DNAH10: variants seen among roughly 807,000 people sequenced by gnomAD.
DNAH10 encodes axonemal beta dynein heavy chain 10.
A neutral mutation model predicts 506.6 loss-of-function variants in DNAH10; 348 were observed. The observed-to-expected ratio is 0.69, with a 90% CI of 0.63 to 0.75. DNAH10 has a LOEUF of 0.75. DNAH10 is among the 30% of genes least tolerant of loss of function. The pLI, the probability that DNAH10 is intolerant of heterozygous loss-of-function variation, is 0.00. For synonymous variants in DNAH10, 2,059 were observed against 2,198.6 expected, an observed-to-expected ratio of 0.94 and a Z score of 1.78; for missense variants, 5,179 against 5,787.1, an observed-to-expected ratio of 0.89 and a Z score of 3.41.
At chr12:123,864,143 C>CTTTTT (rs770676668) in intron 39 of DNAH10, among the ~76,000 whole-genome samples, 10 of 117,126 alleles carry the variant, frequency 8.5e-5, no homozygotes, top group Non-Finnish European at 1.0e-4. Flanking sequence ...ACTTTTTTTT[C>CTTTTT]TTTTTTTTTT....
At chr12:123,848,182 A>T in intron 33 of DNAH10, 87 bp downstream of exon 33, 2 of 1,522,428 alleles carry the variant, frequency 1.3e-6, no homozygotes, top group South Asian at 2.5e-5. Context: ...AGTCTTTGAC[A>T]TGGCGACAGT....
intron 24 of DNAH10, among the ~76,000 whole-genome samples, chr12:123,824,199 G>A (rs560352111): frequency 6.6e-6 from 1 of 152,204 alleles, no homozygotes; most frequent in South Asian, 2.1e-4. Context: ...AGGTGTGGAT[G>A]TGGGATGTAA....
chr12:123,866,229 CTTTTTTTTTTT>C (rs71088963), intron 41 of DNAH10, among the ~76,000 whole-genome samples, 156 bp downstream of exon 41: 1,096 of 58,152 alleles, frequency 0.019, 11 homozygotes, highest in Admixed American at 0.034. Context: ...GGCAGACACA[CTTTTTTTTTTT>C]TTTTTTTTTT....
chr12:123,797,909 T>A (rs1037976861), intron 13 of DNAH10, among the ~76,000 whole-genome samples: 1 of 152,236 alleles, frequency 6.6e-6, no homozygotes, highest in Non-Finnish European at 1.5e-5. Context: ...ATTTTAGGGG[T>A]TTGGACAATT....
chr12:123,861,302 G>A (rs985900666), intron 39 of DNAH10, 132 bp downstream of exon 39: 1 of 1,217,874 alleles, frequency 8.2e-7, no homozygotes, highest in Admixed American at 2.8e-5. Context: ...CAGTCTTGGA[G>A]GCTGTGCTTC....
chr12:123,857,726 CA>C (rs1951452981), intron 37 of DNAH10, among the ~76,000 whole-genome samples: 1 of 152,058 alleles, frequency 6.6e-6, no homozygotes, highest in East Asian at 1.9e-4. Context: ...GACTCCGTCT[CA>C]AAAAATAAAA....
At chr12:123,910,800 TC>T (rs1954031077) in intron 59 of DNAH10, 128 bp downstream of exon 59, 6 of 1,236,516 alleles carry the variant, frequency 4.9e-6, no homozygotes, top group Admixed American at 2.8e-5. Flanking sequence ...AAACTTTCCC[TC>T]CACCACCCAA....
intron 1 of DNAH10, among the ~76,000 whole-genome samples, chr12:123,766,239 C>T (rs79442757): frequency 5.3e-5 from 8 of 152,046 alleles, no homozygotes; most frequent in African/African-American, 1.9e-4. Context: ...GTCTGTCTAT[C>T]TCTGTCTGTC....
rs771140448 is a variant in DNAH10, at chr12:123,913,057, C to T, written c.10135-41C>T. 19 of 1,560,294 alleles carry T rather than the reference C, an allele frequency of 1.2e-5. No homozygotes were observed. The highest frequency in any genetic ancestry group is 1.7e-4 in the Middle Eastern group (1 of 5,996). ...AGGCCATGGGATCGCGGCCCCACCACGGTCCTTTTCCCCATCTTTTTGCAA... is the reference window on the plus strand; with the variant it reads ...AGGCCATGGGATCGCGGCCCCACCATGGTCCTTTTCCCCATCTTTTTGCAA... On this transcript the variant is annotated intron_variant, in intron 59 of 78. Transcript: ENST00000673944. This position sits in a 1 kb window ranked among gnomAD's most constrained non-coding sequence, Gnocchi z 5.1.
At chr12:123,801,826 C>G (rs1245525736) in intron 16 of DNAH10, among the ~76,000 whole-genome samples, 1 of 152,068 alleles carries the variant, frequency 6.6e-6, no homozygotes, top group African/African-American at 2.4e-5. Context: ...AGATCACAAC[C>G]AAGATATTGA....
intron 10 of DNAH10, among the ~76,000 whole-genome samples, chr12:123,788,503 G>A (rs1487957634): frequency 6.6e-6 from 1 of 152,112 alleles, no homozygotes; most frequent in African/African-American, 2.4e-5. Flanking sequence ...GGTGTGCCGG[G>A]TACTCAGATG....
intron 10 of DNAH10, among the ~76,000 whole-genome samples, chr12:123,788,238 GC>G (rs1237206906): frequency 6.6e-6 from 1 of 152,078 alleles, no homozygotes; most frequent in Non-Finnish European, 1.5e-5. Context: ...CTGCTTTTTG[GC>G]TTTCCTTTGA....
At chr12:123,844,679 C>T (rs1950886562) in intron 30 of DNAH10, among the ~76,000 whole-genome samples, 2 of 152,310 alleles carry the variant, frequency 1.3e-5, no homozygotes, top group African/African-American at 2.4e-5. Flanking sequence ...TGCTCTGTTG[C>T]CCTGGCCGGA....
At position 123,868,061 on chromosome 12, in the gene DNAH10, T is replaced by A. The variant is rs1285923058; in HGVS notation, c.7461T>A (p.Leu2487=). The change falls in exon 43 of 79, where the codon CTT becomes CTA. Residue 2487 remains leucine, a synonymous_variant. Coordinates refer to ENST00000673944, the MANE Select transcript of DNAH10 (RefSeq NM_001372106.1). ...AATTTGACGAATATATCAAACGCCT[T>A]GCTTCTTTGTCTACTGTTGACACAG... ...RMKFDEYIKR[L]ASLSTVDTEG... is the part of the protein sequence containing the mutation. 6.2e-7 allele frequency: 1 copy of A among 1,613,856 alleles called. No homozygotes were observed. The highest frequency in any genetic ancestry group is 2.2e-5 in the East Asian group (1 of 44,896).
Position 123,772,835 on chromosome 12 carries a change from G to A in DNAH10, c.398G>A (p.Arg133Lys). 6.3e-7 allele frequency: 1 copy of A among 1,597,854 alleles called. No homozygotes were observed. The highest frequency in any genetic ancestry group is 8.5e-7 in the Non-Finnish European group (1 of 1,173,172). ...KEISEKLPSKRTAKHIMEKMH... is the reference protein window; with the variant it reads ...KEISEKLPSKKTAKHIMEKMH... ...TGGTTTTTGTTCCCCATGTTTCAGA[G>A]AACTGCGAAGCACATCATGGAAAAG... The change falls in exon 4 of 79, where the codon AGA (arginine) becomes AAA (lysine). Residue 133 changes from arginine to lysine, a missense_variant and splice_region_variant. By Grantham distance (26) the Arg-to-Lys change is conservative. Coordinates refer to ENST00000673944, the MANE Select transcript of DNAH10 (RefSeq NM_001372106.1).
chr12:123,803,928 G>T (rs1270656564), intron 17 of DNAH10, 103 bp downstream of exon 17: 2 of 1,132,602 alleles, frequency 1.8e-6, no homozygotes, highest in Non-Finnish European at 2.4e-6. Flanking sequence ...ATATGTATTT[G>T]TATGTTCCAT....
chr12:123,835,368 A>T, intron 27 of DNAH10, 38 bp from the exon 28 acceptor site: 4 of 1,606,204 alleles, frequency 2.5e-6, no homozygotes, highest in Non-Finnish European at 3.4e-6. Context: ...GAGGTATCTG[A>T]TAACCCCTGC....
intron 30 of DNAH10, among the ~76,000 whole-genome samples, chr12:123,845,045 T>C (rs1950897720): frequency 6.6e-6 from 1 of 152,238 alleles, no homozygotes; most frequent in South Asian, 2.1e-4. Flanking sequence ...AGGGCCTTGC[T>C]CTGTCACTCA....
chr12:123,842,646 A>G (rs1950812846), intron 30 of DNAH10, among the ~76,000 whole-genome samples: 1 of 152,248 alleles, frequency 6.6e-6, no homozygotes, highest in South Asian at 2.1e-4. Context: ...ACTGAGGCAT[A>G]TCAAAAATTT....
Sources: allele counts gnomAD v4.1 joint callset (sites outside exome capture counted in the v4.1 genomes callset), GRCh38; gene constraint gnomAD v4.1.1; non-coding constraint Gnocchi (gnomAD v3.1); transcripts MANE v1.5; gene names NCBI Gene and HGNC (gene_info 2026-07-23, HGNC 2026-07-21).